ASTN1: variants seen among roughly 807,000 people sequenced by gnomAD.
ASTN1 encodes the protein astrotactin-1.
ASTN1 carries 41 observed loss-of-function variants against 140.7 expected under a neutral mutation model. That is an observed-to-expected ratio of 0.29 (90% CI 0.23 to 0.38). The LOEUF (loss-of-function observed/expected upper bound fraction) is 0.38, where lower values mean the gene tolerates loss of function less well. Ranked by LOEUF, ASTN1 falls within the 10% of genes least tolerant of loss-of-function variation. The probability of loss-of-function intolerance (pLI) is 1.00; values close to 1 mark genes in which losing one functional copy is unlikely to be tolerated. For missense variants in ASTN1, 1,479 were observed against 1,678.8 expected, an observed-to-expected ratio of 0.88 and a Z score of 2.08; for synonymous variants, 640 against 652.2, an observed-to-expected ratio of 0.98 and a Z score of 0.29.
intron 1 of ASTN1, among the ~76,000 whole-genome samples, chr1:177,077,143 C>G (rs528389858): frequency 6.6e-6 from 1 of 152,072 alleles, no homozygotes; most frequent in Non-Finnish European, 1.5e-5. Context: ...CTGCATGCCG[C>G]GTTCACTTCT....
intron 1 of ASTN1, among the ~76,000 whole-genome samples, chr1:177,118,003 T>A (rs1429814219): frequency 6.6e-6 from 1 of 152,240 alleles, no homozygotes; most frequent in Non-Finnish European, 1.5e-5. Flanking sequence ...AGTGCTAGAT[T>A]ATATGTATAT....
At chr1:176,885,562 C>T (rs1669000713) in intron 18 of ASTN1, among the ~76,000 whole-genome samples, 2 of 152,128 alleles carry the variant, frequency 1.3e-5, no homozygotes, top group African/African-American at 4.8e-5. Flanking sequence ...TCCTTGGTTC[C>T]CAGATATCAT....
intron 18 of ASTN1, among the ~76,000 whole-genome samples, chr1:176,886,599 T>C (rs1392505895): frequency 1.3e-5 from 2 of 152,210 alleles, no homozygotes. Context: ...TAAAACCACC[T>C]ACAGAGAGAA....
chr1:177,002,376 AAC>A (rs3979529), intron 8 of ASTN1, among the ~76,000 whole-genome samples: 18,616 of 148,504 alleles, frequency 0.13, 1,192 homozygotes, highest in Middle Eastern at 0.17. Context: ...CTTACACACA[AAC>A]ACACACACAC....
chr1:177,088,683 G>A (rs910413115), intron 1 of ASTN1, among the ~76,000 whole-genome samples: 7 of 151,948 alleles, frequency 4.6e-5, no homozygotes, highest in Admixed American at 1.3e-4. Flanking sequence ...TTCTAAGAAG[G>A]CACACAGCCC....
chr1:176,986,138 A>T (rs1673895385), intron 8 of ASTN1, among the ~76,000 whole-genome samples: 1 of 151,754 alleles, frequency 6.6e-6, no homozygotes, highest in Non-Finnish European at 1.5e-5. Flanking sequence ...ATTTTTTTAG[A>T]CTCATCTTCA....
intron 1 of ASTN1, among the ~76,000 whole-genome samples, chr1:177,067,775 T>G (rs1233746825): frequency 6.6e-6 from 1 of 152,082 alleles, no homozygotes; most frequent in Non-Finnish European, 1.5e-5. Flanking sequence ...AGCACATTAA[T>G]GTCCTGGCCA....
chr1:176,997,916 A>G (rs1674532826), intron 8 of ASTN1, among the ~76,000 whole-genome samples: 1 of 152,124 alleles, frequency 6.6e-6, no homozygotes, highest in Non-Finnish European at 1.5e-5. Flanking sequence ...AAGGGAAGGA[A>G]CTGGAGGGAA....
chr1:176,958,335 C>T lies in ASTN1; in HGVS notation c.1736+10G>A, dbSNP rs1386728976. The T allele has an allele frequency of 3.7e-6, 6 of 1,613,776 alleles. No individual in the cohort carries two copies. The East Asian group carries it at 8.9e-5, about 24-fold the overall frequency. ...CCAATTGCAGGCCTCAGTCCTGAAG[C>T]CAGACTCACCTGACCTCCACAGCAT... On this transcript the variant is annotated intron_variant, in intron 10 of 22. Coordinates refer to ENST00000361833, the MANE Select transcript of ASTN1 (RefSeq NM_004319.3).
At chr1:177,094,833 A>G (rs982736756) in intron 1 of ASTN1, among the ~76,000 whole-genome samples, 1 of 152,186 alleles carries the variant, frequency 6.6e-6, no homozygotes, top group Non-Finnish European at 1.5e-5. Flanking sequence ...GGTAATTCTG[A>G]TCAGGGCTCA....
At chr1:177,046,220 A>AT (rs1311155998) in intron 2 of ASTN1, among the ~76,000 whole-genome samples, 1 of 152,132 alleles carries the variant, frequency 6.6e-6, no homozygotes, top group Non-Finnish European at 1.5e-5. Context: ...TGTAACTCCA[A>AT]TTTTTTCTCT....
intron 1 of ASTN1, among the ~76,000 whole-genome samples, chr1:177,127,845 G>A (rs1383924864): frequency 6.6e-6 from 1 of 152,294 alleles, no homozygotes; most frequent in African/African-American, 2.4e-5. Flanking sequence ...CGTCCTGTAC[G>A]CATATGATGC....
rs1457447864 is a variant in ASTN1 at position 176,884,512 on chromosome 1, C to T, written c.3075-22G>A. ...CAGCCTGTGTGCAGACAGGAAGGAACATGAAACAGGGACACAACTGTGACT... is the reference window on the plus strand; with the variant it reads ...CAGCCTGTGTGCAGACAGGAAGGAATATGAAACAGGGACACAACTGTGACT... On this transcript the variant is annotated intron_variant, in intron 18 of 22. Transcript: ENST00000361833. The T allele has an allele frequency of 1.9e-6, 3 of 1,588,310 alleles. No individual in the cohort carries two copies. The African/African-American group carries it at 4.0e-5, about 21-fold the overall frequency.
intron 8 of ASTN1, among the ~76,000 whole-genome samples, chr1:176,982,231 T>G (rs1305553009): frequency 6.6e-6 from 1 of 152,066 alleles, no homozygotes; most frequent in Non-Finnish European, 1.5e-5. Context: ...GGGAAAGAAA[T>G]AGGGGGAAGA....
chr1:176,927,796 C>T (rs1474978818), intron 16 of ASTN1, among the ~76,000 whole-genome samples: 1 of 152,126 alleles, frequency 6.6e-6, no homozygotes, highest in Non-Finnish European at 1.5e-5. Context: ...TATCAGTTAC[C>T]TCAGTGATAC....
intron 8 of ASTN1, among the ~76,000 whole-genome samples, chr1:176,995,643 A>G (rs116734993): frequency 0.013 from 1,917 of 152,284 alleles, 18 homozygotes; most frequent in Admixed American, 0.025. Flanking sequence ...GGCAGGAACC[A>G]GGTCAGGAAG....
rs1257665755 is a variant in ASTN1 at position 176,920,027 on chromosome 1, T to C, written c.2671+14125A>G. On this transcript the variant is annotated intron_variant, in intron 16 of 22. Coordinates refer to ENST00000361833, the MANE Select transcript of ASTN1 (RefSeq NM_004319.3). ...TCTTTCTACTTTTCTTTTTCTTTCT[T>C]TCTTTTTAATAGGCAAAAGCAAAAA... 1.1e-4 allele frequency among the ~76,000 whole-genome samples: 16 copies of C among 152,256 alleles called. 1 individual carries two copies. The highest frequency in any genetic ancestry group is 1.0e-3 in the Admixed American group (16 of 15,294).
intron 1 of ASTN1, among the ~76,000 whole-genome samples, chr1:177,066,025 T>C (rs1192059220): frequency 1.3e-5 from 2 of 152,342 alleles, no homozygotes; most frequent in Middle Eastern, 3.4e-3. Flanking sequence ...TCTGTGTCGA[T>C]GAACTTGAAA....
Position 176,893,688 on chromosome 1 carries a change from G to A in ASTN1, c.2940+874C>T, listed in dbSNP as rs555386638. Among the ~76,000 whole-genome samples the A allele has an allele frequency of 2.0e-5, 3 of 152,300 alleles. No individual in the cohort carries two copies. The East Asian group carries it at 5.8e-4, about 29-fold the overall frequency. On this transcript the variant is annotated intron_variant, in intron 17 of 22. Transcript: ENST00000361833. ...GGCACACCTCTCAGGCAGGTAAGCA[G>A]CTCACTGCTGCGACTCCTGCTGCCT... is the stretch of plus-strand genomic sequence containing the variant.
Sources: allele counts gnomAD v4.1 joint callset (sites outside exome capture counted in the v4.1 genomes callset), GRCh38; gene constraint gnomAD v4.1.1; transcripts MANE v1.5; gene names NCBI Gene and HGNC (gene_info 2026-07-23, HGNC 2026-07-21).